The following ZCWPW2 variants were observed in gnomAD, a reference collection of about 807,000 sequenced individuals.
ZCWPW2 encodes zinc finger CW-type PWWP domain protein 2.
In ZCWPW2, 45 loss-of-function variants were observed where a neutral mutation model predicts 46.6. The observed-to-expected ratio is 0.96, with a 90% CI of 0.76 to 1.24. The LOEUF is 1.24. ZCWPW2 is among the 50% of genes most tolerant of loss of function. ZCWPW2 has a pLI of 0.00. For synonymous variants in ZCWPW2, 152 were observed against 137.1 expected, an observed-to-expected ratio of 1.11 and a Z score of -0.76; for missense variants, 429 against 403.9, an observed-to-expected ratio of 1.06 and a Z score of -0.53.
chr3:28,514,018 T>C, intron 6 of ZCWPW2, 46 bp from the exon 7 acceptor site: 1 of 1,424,556 alleles, frequency 7.0e-7, no homozygotes, highest in Non-Finnish European at 9.5e-7. Flanking sequence ...ACTGAGCTGA[T>C]TTAGTCCTAT....
At chr3:28,430,591 A>AG (rs1415028712) in intron 3 of ZCWPW2, among the ~76,000 whole-genome samples, 2 of 152,138 alleles carry the variant, frequency 1.3e-5, no homozygotes, top group Non-Finnish European at 2.9e-5. Flanking sequence ...GAGATTTGTG[A>AG]GGGGCCCGTG....
intron 4 of ZCWPW2, among the ~76,000 whole-genome samples, chr3:28,441,761 G>A (rs1274819500): frequency 2.0e-5 from 3 of 152,120 alleles, no homozygotes; most frequent in African/African-American, 7.2e-5. Context: ...CCATTTTATG[G>A]CTAGATGGGT....
chr3:28,405,842 A>G (rs1247272572), intron 2 of ZCWPW2, among the ~76,000 whole-genome samples: 1 of 152,186 alleles, frequency 6.6e-6, no homozygotes. Context: ...AGAATGTCTC[A>G]ATCTTCTTAA....
intron 1 of ZCWPW2, among the ~76,000 whole-genome samples, chr3:28,390,260 A>G (rs1695433534): frequency 6.6e-6 from 1 of 152,180 alleles, no homozygotes; most frequent in Non-Finnish European, 1.5e-5. Flanking sequence ...TATTTTTATT[A>G]TTACTTAACC....
chr3:28,434,992 T>C (rs1198129747), intron 3 of ZCWPW2, 118 bp from the exon 4 acceptor site: 8 of 1,005,634 alleles, frequency 8.0e-6, no homozygotes, highest in East Asian at 5.3e-5. Context: ...AGTAGGAATA[T>C]ATGTTTTGTG....
intron 1 of ZCWPW2, among the ~76,000 whole-genome samples, chr3:28,356,784 C>G (rs962315089): frequency 6.6e-6 from 1 of 152,114 alleles, no homozygotes; most frequent in South Asian, 2.1e-4. Context: ...TGTTCTCACT[C>G]ATAGGTGGGA....
chr3:28,367,493 CA>C (rs1575054177), intron 1 of ZCWPW2, among the ~76,000 whole-genome samples: 1 of 152,214 alleles, frequency 6.6e-6, no homozygotes, highest in East Asian at 1.9e-4. Flanking sequence ...AGTTTGATTG[CA>C]CTGTCGTCTG....
intron 3 of ZCWPW2, among the ~76,000 whole-genome samples, chr3:28,421,974 T>C (rs1323607251): frequency 6.6e-6 from 1 of 151,844 alleles, no homozygotes; most frequent in Admixed American, 6.6e-5. Context: ...ATTTCCTAGG[T>C]TTTTCTCTCC....
At chr3:28,350,419 T>C (rs1257242864) in intron 1 of ZCWPW2, among the ~76,000 whole-genome samples, 1 of 152,200 alleles carries the variant, frequency 6.6e-6, no homozygotes, top group African/African-American at 2.4e-5. Context: ...TAAATCAGTA[T>C]TTTGAAGTTT....
chr3:28,496,301 A>G (rs1252681487), intron 6 of ZCWPW2, among the ~76,000 whole-genome samples: 3 of 152,076 alleles, frequency 2.0e-5, no homozygotes, highest in African/African-American at 7.2e-5. Context: ...AAATGCATTG[A>G]TTTCACTGAA....
chr3:28,393,410 G>T (rs1695573675), intron 2 of ZCWPW2, among the ~76,000 whole-genome samples: 1 of 152,020 alleles, frequency 6.6e-6, no homozygotes, highest in Non-Finnish European at 1.5e-5. Context: ...AAATTGAAAA[G>T]GAGGAAACAC....
In ZCWPW2 at chr3:28,352,018, AC is replaced by A. The variant is rs372449391; in HGVS notation, c.-134+2817del. Among the ~76,000 whole-genome samples the A allele has an allele frequency of 5.8e-3, 876 of 152,074 alleles. 4 individuals carry two copies. The highest frequency in any genetic ancestry group is 0.01 in the Middle Eastern group (3 of 294). ...TTTCAAGAATACTACCCAAAATAAAACCTGGTATTTGGGCATACACAGTTGT... is the reference window on the plus strand; with the variant it reads ...TTTCAAGAATACTACCCAAAATAAAACTGGTATTTGGGCATACACAGTTGT... On this transcript the variant is annotated intron_variant, in intron 1 of 9. Coordinates refer to ENST00000383768, the MANE Select transcript of ZCWPW2 (RefSeq NM_001040432.4).
intron 4 of ZCWPW2, among the ~76,000 whole-genome samples, chr3:28,471,394 C>T (rs964244072): frequency 1.9e-4 from 29 of 152,136 alleles, no homozygotes; most frequent in African/African-American, 5.3e-4. Context: ...CACATTAACA[C>T]GATGATTCAT....
intron 6 of ZCWPW2, among the ~76,000 whole-genome samples, chr3:28,504,252 C>T (rs999881476): frequency 3.9e-5 from 6 of 151,938 alleles, no homozygotes; most frequent in South Asian, 4.1e-4. Context: ...AATAATTTGC[C>T]GTATCATGAA....
intron 2 of ZCWPW2, among the ~76,000 whole-genome samples, chr3:28,394,844 C>G (rs568656753): frequency 8.5e-4 from 130 of 152,144 alleles, no homozygotes; most frequent in African/African-American, 2.8e-3. Context: ...TAACATTTGT[C>G]TTGGCAATAA....
intron 6 of ZCWPW2, among the ~76,000 whole-genome samples, chr3:28,496,535 A>T (rs1269216028): frequency 6.6e-6 from 1 of 151,962 alleles, no homozygotes; most frequent in Non-Finnish European, 1.5e-5. Flanking sequence ...AGTTTTTCTT[A>T]GTTCCTATTA....
At chr3:28,470,509 A>AAT (rs1698999281) in intron 4 of ZCWPW2, among the ~76,000 whole-genome samples, 1 of 149,240 alleles carries the variant, frequency 6.7e-6, no homozygotes, top group African/African-American at 2.5e-5. Flanking sequence ...AAAAAAAAAA[A>AAT]AAAGGAAGGA....
intron 4 of ZCWPW2, among the ~76,000 whole-genome samples, chr3:28,465,418 G>A (rs1037923283): frequency 6.6e-6 from 1 of 152,172 alleles, no homozygotes; most frequent in Non-Finnish European, 1.5e-5. Flanking sequence ...GTCTAAAAGA[G>A]CTAAGTTTAT....
intron 5 of ZCWPW2, among the ~76,000 whole-genome samples, chr3:28,481,927 TC>T (rs1699442244): frequency 6.6e-6 from 1 of 151,896 alleles, no homozygotes; most frequent in South Asian, 2.1e-4. Context: ...ACACACAACC[TC>T]CCCGACTGTC....
Sources: allele counts gnomAD v4.1 joint callset (sites outside exome capture counted in the v4.1 genomes callset), GRCh38; gene constraint gnomAD v4.1.1; transcripts MANE v1.5; gene names NCBI Gene and HGNC (gene_info 2026-07-23, HGNC 2026-07-21).